Variants in SLC8A1 observed in about 807,000 individuals in gnomAD.
SLC8A1 encodes solute carrier family 8 member A1, also known as sodium/calcium exchanger 1.
In SLC8A1, 18 loss-of-function variants were observed where a neutral mutation model predicts 68.3. The ratio of observed to expected loss-of-function variants is 0.26; its 90% CI spans 0.18 to 0.39. The LOEUF (loss-of-function observed/expected upper bound fraction) is 0.39. Among genes scored for constraint, SLC8A1 ranks in the 10% least tolerant of loss-of-function variants. SLC8A1 has a pLI of 1.00. For missense variants in SLC8A1, 985 were observed against 1,156.7 expected (o/e 0.85, Z 2.15); for synonymous variants, 475 against 415.5 (o/e 1.14, Z -1.74).
chr2:40,407,798 A>T (rs1228747003), intron 2 of SLC8A1, among the ~76,000 whole-genome samples: 1 of 152,186 alleles, frequency 6.6e-6, no homozygotes. Flanking sequence ...TCTTGGAAGG[A>T]CCCTTCAGGT....
intron 2 of SLC8A1, among the ~76,000 whole-genome samples, chr2:40,205,503 T>C (rs1366073372): frequency 6.6e-6 from 1 of 151,976 alleles, no homozygotes; most frequent in Non-Finnish European, 1.5e-5. Flanking sequence ...TGCAGGGACA[T>C]GGATGGAGCT....
intron 2 of SLC8A1, among the ~76,000 whole-genome samples, chr2:40,218,927 G>C (rs1043805836): frequency 6.6e-6 from 1 of 152,070 alleles, no homozygotes; most frequent in Admixed American, 6.6e-5. Flanking sequence ...TTACCCCTGA[G>C]TGCTTTTTTT....
intron 6 of SLC8A1, among the ~76,000 whole-genome samples, chr2:40,154,672 CT>C (rs1390184856): frequency 2.0e-5 from 3 of 151,756 alleles, no homozygotes; most frequent in Non-Finnish European, 4.4e-5. Flanking sequence ...ACAAAGTTTT[CT>C]TTTTTGTTTT....
intron 1 of SLC8A1, among the ~76,000 whole-genome samples, chr2:40,468,156 A>T (rs542576412): frequency 4.9e-4 from 74 of 152,220 alleles, no homozygotes; most frequent in African/African-American, 1.8e-3. Context: ...ACACAAGATG[A>T]CATGGAAATG....
chr2:40,233,684 T>C (rs2059983112), intron 2 of SLC8A1, among the ~76,000 whole-genome samples: 1 of 145,526 alleles, frequency 6.9e-6, no homozygotes, highest in Non-Finnish European at 1.5e-5. Context: ...GCCTATGTCC[T>C]GAATGGTAAT....
intron 1 of SLC8A1, among the ~76,000 whole-genome samples, chr2:40,500,795 CTTTTTTTTTTTTTTTTT>C (rs1191619172): frequency 1.6e-4 from 6 of 37,232 alleles, no homozygotes; most frequent in African/African-American, 5.6e-4. Flanking sequence ...TATCATCTGA[CTTTTTTTTTTTTTTTTT>C]TTTTTTTTTT....
At chr2:40,184,699 A>G (rs1311577032) in intron 2 of SLC8A1, among the ~76,000 whole-genome samples, 1 of 152,110 alleles carries the variant, frequency 6.6e-6, no homozygotes, top group African/African-American at 2.4e-5. Flanking sequence ...ATGAAGGGCC[A>G]TGTCGGGAAC....
At chr2:40,329,200 TG>T (rs1189416576) in intron 2 of SLC8A1, among the ~76,000 whole-genome samples, 1 of 152,144 alleles carries the variant, frequency 6.6e-6, no homozygotes, top group African/African-American at 2.4e-5. Flanking sequence ...TCATATTCTC[TG>T]GCCCATTGAA....
chr2:40,388,908 C>T, intron 2 of SLC8A1, among the ~76,000 whole-genome samples: 1 of 151,994 alleles, frequency 6.6e-6, no homozygotes, highest in East Asian at 1.9e-4. Context: ...GACCTTGAGC[C>T]TGCTGTGAAA....
chr2:40,286,292 C>T (rs779886975), intron 2 of SLC8A1, among the ~76,000 whole-genome samples: 6 of 152,154 alleles, frequency 3.9e-5, no homozygotes, highest in Admixed American at 6.6e-5. Context: ...TTCTGTTCAG[C>T]TGTTCCTTAT....
chr2:40,420,213 A>T (rs998181584), intron 2 of SLC8A1, among the ~76,000 whole-genome samples: 1 of 152,170 alleles, frequency 6.6e-6, no homozygotes, highest in East Asian at 1.9e-4. Context: ...TTATTCTAGG[A>T]AAGTCTCCTA....
exon 2 of SLC8A1, chr2:40,429,108 G>A (rs1374296726): frequency 4.3e-6 from 7 of 1,613,074 alleles, no homozygotes; most frequent in Non-Finnish European, 5.9e-6. Flanking sequence ...CGTGCATGCT[G>A]ACAGCCTTCC....
chr2:40,406,439 TAATA>T lies in SLC8A1; in HGVS notation c.1808+22030_1808+22033del, dbSNP rs572566117. On this transcript the variant is annotated intron_variant, in intron 2 of 7. Transcript: ENST00000406785. ...ACTTATTTATTGTATAATGGATGTA[TAATA>T]AATAAACGTCAGAAAATTTCAAAAC... Among the ~76,000 whole-genome samples the T allele has an allele frequency of 2.4e-4, 36 of 152,314 alleles. 1 individual carries two copies. The South Asian group carries it at 6.8e-3, about 29-fold the overall frequency.
intron 5 of SLC8A1, among the ~76,000 whole-genome samples, chr2:40,161,563 A>G (rs907494406): frequency 6.6e-6 from 1 of 151,950 alleles, no homozygotes; most frequent in African/African-American, 2.4e-5. Flanking sequence ...CATACCCCTT[A>G]TTTTTCTTTG....
intron 2 of SLC8A1, among the ~76,000 whole-genome samples, chr2:40,328,193 C>T (rs980117816): frequency 3.9e-5 from 6 of 152,068 alleles, no homozygotes; most frequent in Non-Finnish European, 2.9e-5. Flanking sequence ...AGAAATTAAC[C>T]ATTCCAAGGA....
intron 1 of SLC8A1, among the ~76,000 whole-genome samples, chr2:40,445,857 T>A (rs66521967): frequency 1.3e-5 from 2 of 152,050 alleles, no homozygotes; most frequent in Non-Finnish European, 2.9e-5. Context: ...TGAGAGACAT[T>A]TGATGGGTAC....
intron 2 of SLC8A1, among the ~76,000 whole-genome samples, chr2:40,401,084 C>T (rs1688589777): frequency 1.3e-5 from 2 of 152,182 alleles, no homozygotes; most frequent in Admixed American, 6.5e-5. Context: ...ACATTTATTA[C>T]TATTTTCCAG....
chr2:40,350,315 C>G (rs192787803), intron 2 of SLC8A1, among the ~76,000 whole-genome samples: 3 of 151,864 alleles, frequency 2.0e-5, no homozygotes, highest in Admixed American at 6.6e-5. Flanking sequence ...GACTCTGTCT[C>G]TACAAAAATT....
At chr2:40,483,980 C>A (rs531209503) in intron 1 of SLC8A1, among the ~76,000 whole-genome samples, 1 of 152,308 alleles carries the variant, frequency 6.6e-6, no homozygotes, top group South Asian at 2.1e-4. Context: ...TCATTTGCAG[C>A]TGAACTTAGT....
Sources: allele counts gnomAD v4.1 joint callset (sites outside exome capture counted in the v4.1 genomes callset), GRCh38; gene constraint gnomAD v4.1.1; transcripts MANE v1.5; gene names NCBI Gene and HGNC (gene_info 2026-07-23, HGNC 2026-07-21).